The following ATAD2B variants were observed in gnomAD, a reference collection of about 807,000 sequenced individuals.
The protein encoded by ATAD2B is ATPase family AAA domain-containing protein 2B.
A neutral mutation model predicts 167.6 loss-of-function variants in ATAD2B; 40 were observed. The ratio of observed to expected loss-of-function variants is 0.24; its 90% confidence interval spans 0.19 to 0.31. The LOEUF (loss-of-function observed/expected upper bound fraction) is 0.31. ATAD2B is among the 10% of genes least tolerant of loss of function. The probability of loss-of-function intolerance (pLI) is 1.00; values close to 1 mark genes in which losing one functional copy is unlikely to be tolerated. For missense variants in ATAD2B, 1,242 were observed against 1,757.2 expected, an observed-to-expected ratio of 0.71 and a Z score of 5.24; for synonymous variants, 579 against 596.5, an observed-to-expected ratio of 0.97 and a Z score of 0.43.
At chr2:23,864,583 A>G (rs1694880482) in intron 11 of ATAD2B, among the ~76,000 whole-genome samples, 2 of 152,204 alleles carry the variant, frequency 1.3e-5, no homozygotes, top group Non-Finnish European at 2.9e-5. Flanking sequence ...GGCCCACAGA[A>G]AGAATCTTAT....
At chr2:23,862,401 G>GTTTTTTTTTTTTTTT (rs750865073) in intron 12 of ATAD2B, among the ~76,000 whole-genome samples, 10 of 99,438 alleles carry the variant, frequency 1.0e-4, no homozygotes, top group African/African-American at 2.8e-4. Flanking sequence ...ATTTGGACTG[G>GTTTTTTTTTTTTTTT]TTTTTTTTTT....
intron 19 of ATAD2B, among the ~76,000 whole-genome samples, chr2:23,794,269 C>A (rs1682259147): frequency 6.6e-6 from 1 of 152,254 alleles, no homozygotes; most frequent in African/African-American, 2.4e-5. Context: ...CTCAGCCTTT[C>A]AAAGTGCTGG....
intron 13 of ATAD2B, among the ~76,000 whole-genome samples, chr2:23,836,572 G>A (rs183880377): frequency 1.7e-3 from 260 of 152,330 alleles, no homozygotes; most frequent in African/African-American, 6.0e-3. Context: ...GACAAGTGGA[G>A]GGTGAGCAAG....
chr2:23,926,450 G>A (rs1425797230), intron 1 of ATAD2B, 105 bp downstream of exon 1: 20 of 1,434,416 alleles, frequency 1.4e-5, no homozygotes, highest in Admixed American at 2.7e-5. Flanking sequence ...CCAGCCGCCC[G>A]AGCGGTCTCC....
chr2:23,903,951 G>GTGGTGGTGGTAGTGGTGA (rs1701151984), intron 1 of ATAD2B, among the ~76,000 whole-genome samples: 1 of 152,060 alleles, frequency 6.6e-6, no homozygotes, highest in African/African-American at 2.4e-5. Flanking sequence ...GGTGGTGGTG[G>GTGGTGGTGGTAGTGGTGA]TGGTGGTGGT....
At chr2:23,722,679 C>T in the ATAD2B span, among the ~76,000 whole-genome samples, 1 of 152,004 alleles carries the variant, frequency 6.6e-6, no homozygotes, top group Non-Finnish European at 1.5e-5. Context: ...AGCAGAAAAC[C>T]TCCCAAGTCT....
chr2:23,693,534 G>A, the ATAD2B span: 1 of 1,545,368 alleles, frequency 6.5e-7, no homozygotes, highest in Non-Finnish European at 8.8e-7. Flanking sequence ...CACAGGTGGG[G>A]CCTGCCCTGT....
chr2:23,768,409 A>G (rs1471199768), intron 22 of ATAD2B, among the ~76,000 whole-genome samples: 1 of 151,988 alleles, frequency 6.6e-6, no homozygotes, highest in East Asian at 1.9e-4. Flanking sequence ...ACCCTGTACA[A>G]AAAGTACAAA....
chr2:23,693,331 A>G, the ATAD2B span: 3 of 1,551,342 alleles, frequency 1.9e-6, no homozygotes, highest in Non-Finnish European at 2.6e-6. Flanking sequence ...CATGCAGTGC[A>G]GCGAGCTCTA....
chr2:23,868,282 G>A (rs1573134164), intron 9 of ATAD2B, among the ~76,000 whole-genome samples: 1 of 152,256 alleles, frequency 6.6e-6, no homozygotes, highest in East Asian at 1.9e-4. Flanking sequence ...TATAATATAT[G>A]GGATTAAAAT....
intron 1 of ATAD2B, among the ~76,000 whole-genome samples, chr2:23,923,507 T>C (rs960450927): frequency 2.0e-5 from 3 of 152,114 alleles, no homozygotes. Context: ...ATAATACTAA[T>C]AATACATTCA....
intron 22 of ATAD2B, among the ~76,000 whole-genome samples, chr2:23,777,065 T>C (rs942949504): frequency 6.6e-6 from 1 of 151,988 alleles, no homozygotes; most frequent in African/African-American, 2.4e-5. Context: ...GAGAGAAAAT[T>C]TGGACACACC....
At chr2:23,740,021 T>C in the ATAD2B span, among the ~76,000 whole-genome samples, 4 of 151,260 alleles carry the variant, frequency 2.6e-5, no homozygotes, top group African/African-American at 9.7e-5. Context: ...AACCTCTGAA[T>C]AGACCAATAA....
chr2:23,902,374 C>A (rs2150423745), intron 1 of ATAD2B, among the ~76,000 whole-genome samples: 1 of 152,184 alleles, frequency 6.6e-6, no homozygotes, highest in South Asian at 2.1e-4. Context: ...GTAAAGTAAG[C>A]AACCACGATG....
chr2:23,836,515 A>T (rs1376102539), intron 13 of ATAD2B, among the ~76,000 whole-genome samples: 1 of 152,170 alleles, frequency 6.6e-6, no homozygotes. Flanking sequence ...CTGCCATCTG[A>T]CAGGTCCCGA....
chr2:23,880,920 TA>T (rs1697788733), intron 6 of ATAD2B, among the ~76,000 whole-genome samples, 165 bp from the exon 7 acceptor site: 1 of 152,204 alleles, frequency 6.6e-6, no homozygotes, highest in Non-Finnish European at 1.5e-5. Flanking sequence ...AAAATCAACC[TA>T]AATGGATGTA....
intron 12 of ATAD2B, among the ~76,000 whole-genome samples, chr2:23,862,833 T>C (rs1406819883): frequency 6.6e-6 from 1 of 152,226 alleles, no homozygotes; most frequent in Non-Finnish European, 1.5e-5. Flanking sequence ...ATATATGTTA[T>C]ATCCTGTGTT....
chr2:23,794,745 A>G (rs1168480175), intron 19 of ATAD2B, among the ~76,000 whole-genome samples: 1 of 152,086 alleles, frequency 6.6e-6, no homozygotes, highest in Non-Finnish European at 1.5e-5. Context: ...TAAATATACT[A>G]TTACCAAAAT....
Position 23,782,964 on chromosome 2 carries a change from T to G in ATAD2B, c.3038A>C (p.Asp1013Ala). Residue 1013 changes from aspartate (D) to alanine (A), a missense_variant, in exon 22 of 28, where the codon GAT (aspartate) becomes GCT (alanine). Physicochemically the swap from Asp to Ala is moderately radical, Grantham distance 126. Transcript: ENST00000238789. ...CTTTGCAGTCAGGTAATTATGTTTA[T>G]CAATTTTAGTTATTACTGTTGATAA... ...MDLSTVITKI[D>A]KHNYLTAKDF... is the part of the protein sequence containing the mutation. 1 of 1,596,450 alleles carries G rather than the reference T, an allele frequency of 6.3e-7. No individual in the cohort carries two copies. The highest frequency in any genetic ancestry group is 8.6e-7 in the Non-Finnish European group (1 of 1,164,634).
Sources: gnomAD v4.1 joint callset for allele counts (sites outside exome capture counted in the v4.1 genomes callset) on GRCh38, gnomAD v4.1.1 for gene constraint, MANE v1.5 for transcripts, NCBI Gene and HGNC (gene_info 2026-07-23, HGNC 2026-07-21) for gene names.